TEC: variants seen among roughly 807,000 people sequenced by gnomAD.
TEC encodes tec protein tyrosine kinase.
In TEC, 72 loss-of-function variants were observed where a neutral mutation model predicts 93.0. The ratio of observed to expected loss-of-function variants is 0.77; its 90% CI spans 0.64 to 0.94. The LOEUF is 0.94. Among genes scored for constraint, TEC ranks in the 40% least tolerant of loss-of-function variants. The pLI is 0.00. For synonymous variants in TEC, 249 were observed against 247.7 expected, an observed-to-expected ratio of 1.01 and a Z score of -0.05; for missense variants, 630 against 757.9, an observed-to-expected ratio of 0.83 and a Z score of 1.98.
chr4:48,217,473 C>T (rs893181042), intron 2 of TEC, among the ~76,000 whole-genome samples: 1 of 152,170 alleles, frequency 6.6e-6, no homozygotes, highest in Non-Finnish European at 1.5e-5. Flanking sequence ...GGGACACCTT[C>T]AGCTCCTAAT....
rs1222366359 is a variant in TEC, at chr4:48,149,585, A to T, written c.978T>A (p.Ile326=). Reference sequence around the variant, plus strand: ...CTGCATTGTGCTTATGATATTCAATAATCTCAGGAATGGAGCCAAAAGCAT... The same window carrying T: ...CTGCATTGTGCTTATGATATTCAATTATCTCAGGAATGGAGCCAAAAGCAT... The part of the protein sequence containing the change: ...EKHAFGSIPE[I]IEYHKHNAAG... Residue 326 remains isoleucine, a synonymous_variant, in exon 11 of 18, where the codon ATT becomes ATA. Coordinates refer to ENST00000381501, the MANE Select transcript of TEC (RefSeq NM_003215.3). The T allele has an allele frequency of 6.2e-7, 1 of 1,611,206 alleles. No homozygotes were observed. The highest frequency in any genetic ancestry group is 1.3e-5 in the African/African-American group (1 of 74,866).
chr4:48,230,459 T>C (rs1457266958), intron 1 of TEC, among the ~76,000 whole-genome samples: 1 of 152,336 alleles, frequency 6.6e-6, no homozygotes. Flanking sequence ...TCATTTTTAA[T>C]TCCACGGCTA....
chr4:48,170,151 T>C, intron 5 of TEC, 97 bp downstream of exon 5: 2 of 1,013,838 alleles, frequency 2.0e-6, no homozygotes, highest in Non-Finnish European at 2.9e-6. Context: ...TACTAGAAAG[T>C]GTGCTGTACT....
At chr4:48,170,577 T>A (rs113495262) in intron 4 of TEC, among the ~76,000 whole-genome samples, 5 of 152,314 alleles carry the variant, frequency 3.3e-5, no homozygotes, top group African/African-American at 1.2e-4. Flanking sequence ...AGCACCCTTG[T>A]TAGCAGAAAT....
intron 9 of TEC, among the ~76,000 whole-genome samples, chr4:48,156,397 G>T (rs1720401826): frequency 6.6e-6 from 1 of 152,164 alleles, no homozygotes; most frequent in Non-Finnish European, 1.5e-5. Context: ...CTAAAAGTTT[G>T]CTATATAAAG....
At position 48,227,414 on chromosome 4, in the gene TEC, G is replaced by A. The variant is rs182682256; in HGVS notation, c.138+1063C>T. ...TTCTAGCAGTTTGGGAGGCCCAGGT[G>A]GGTGGATCACTTGAGGTCAGGGGTT... On this transcript the variant is annotated intron_variant, in intron 2 of 17. Coordinates refer to ENST00000381501, the MANE Select transcript of TEC (RefSeq NM_003215.3). Among the ~76,000 whole-genome samples, 10 of 152,206 alleles carry A rather than the reference G, an allele frequency of 6.6e-5. No homozygotes were observed. The East Asian group carries it at 1.9e-3, about 29-fold the overall frequency.
chr4:48,191,736 T>C (rs1722099881), intron 2 of TEC, among the ~76,000 whole-genome samples: 3 of 152,274 alleles, frequency 2.0e-5, no homozygotes, highest in East Asian at 3.9e-4. Flanking sequence ...ACACTTGCTA[T>C]GTTGACCACC....
At chr4:48,162,878 G>A (rs1409797932) in intron 8 of TEC, among the ~76,000 whole-genome samples, 1 of 152,208 alleles carries the variant, frequency 6.6e-6, no homozygotes, top group African/African-American at 2.4e-5. Flanking sequence ...CACACTGCTA[G>A]TGGGTATATA....
chr4:48,148,642 A>G (rs575549913), intron 11 of TEC, among the ~76,000 whole-genome samples: 8 of 152,178 alleles, frequency 5.3e-5, no homozygotes, highest in Non-Finnish European at 1.2e-4. Flanking sequence ...CTTGGACTTT[A>G]GTGTCAAGGA....
chr4:48,169,418 G>T (rs1434313705), intron 5 of TEC, among the ~76,000 whole-genome samples: 1 of 152,002 alleles, frequency 6.6e-6, no homozygotes, highest in African/African-American at 2.4e-5. Context: ...AGAAACTTGG[G>T]CTTCCTCTTT....
intron 1 of TEC, among the ~76,000 whole-genome samples, chr4:48,269,139 T>C (rs1269641645): frequency 1.3e-5 from 2 of 152,154 alleles, no homozygotes; most frequent in Non-Finnish European, 2.9e-5. Flanking sequence ...GAACGTGAAC[T>C]TCACTGGGTG....
rs34792955 is a variant in TEC, at chr4:48,256,594, CAAAAAAAAAAAAA to C, written c.-46+13145_-46+13157del. ...TGGGCAACAGAGCGAGACCTTGTCT[CAAAAAAAAAAAAA>C]AAAAAAAAAAAGTCTTTTTGCATAA... On this transcript the variant is annotated intron_variant, in intron 1 of 17. Coordinates refer to ENST00000381501, the MANE Select transcript of TEC (RefSeq NM_003215.3). 8.1e-5 allele frequency among the ~76,000 whole-genome samples: 5 copies of C among 61,714 alleles called. No individual in the cohort carries two copies. The Admixed American group carries it at 1.0e-3, about 13-fold the overall frequency. 40.5% of individuals were successfully genotyped at this position (61,714 alleles called of 152,430 possible).
At chr4:48,217,104 T>C (rs1190523975) in intron 2 of TEC, among the ~76,000 whole-genome samples, 1 of 151,538 alleles carries the variant, frequency 6.6e-6, no homozygotes, top group Non-Finnish European at 1.5e-5. Flanking sequence ...CAGTAACAAG[T>C]GATTTTTTTT....
chr4:48,174,974 A>G (rs186414218), intron 3 of TEC, among the ~76,000 whole-genome samples: 1 of 152,352 alleles, frequency 6.6e-6, no homozygotes, highest in East Asian at 1.9e-4. Context: ...GAGAGGAAAC[A>G]GGCACAGAGA....
intron 2 of TEC, among the ~76,000 whole-genome samples, chr4:48,191,271 T>C (rs1329477525): frequency 6.6e-6 from 1 of 152,242 alleles, no homozygotes; most frequent in Non-Finnish European, 1.5e-5. Flanking sequence ...TGGTTTGTTT[T>C]TGCCTTTAAA....
intron 3 of TEC, among the ~76,000 whole-genome samples, chr4:48,172,162 T>C (rs1237305086): frequency 1.3e-5 from 2 of 152,220 alleles, no homozygotes; most frequent in Non-Finnish European, 2.9e-5. Flanking sequence ...TGGTGGGCAA[T>C]TAGACAGTCT....
At chr4:48,212,819 G>A (rs1722956102) in intron 2 of TEC, among the ~76,000 whole-genome samples, 1 of 152,194 alleles carries the variant, frequency 6.6e-6, no homozygotes, top group South Asian at 2.1e-4. Context: ...AACAAAGTAT[G>A]TCATTATGAA....
intron 14 of TEC, among the ~76,000 whole-genome samples, chr4:48,142,975 C>A (rs1363262603): frequency 3.3e-5 from 5 of 152,232 alleles, no homozygotes; most frequent in African/African-American, 7.2e-5. Flanking sequence ...AGCCACCACA[C>A]CTGGCCGATA....
At chr4:48,141,106 A>G (rs1170488569) in intron 15 of TEC, among the ~76,000 whole-genome samples, 2 of 152,172 alleles carry the variant, frequency 1.3e-5, no homozygotes, top group African/African-American at 2.4e-5. Flanking sequence ...GAACCTCACC[A>G]CCAAATATGT....
Sources: allele counts gnomAD v4.1 joint callset (sites outside exome capture counted in the v4.1 genomes callset), GRCh38; gene constraint gnomAD v4.1.1; transcripts MANE v1.5; gene names NCBI Gene and HGNC (gene_info 2026-07-23, HGNC 2026-07-21).